RERG: variants seen among roughly 807,000 people sequenced by gnomAD.
RERG encodes the protein ras-related and estrogen-regulated growth inhibitor.
A neutral mutation model predicts 23.2 loss-of-function variants in RERG; 25 were observed. That is an observed-to-expected ratio of 1.08 (90% confidence interval 0.79 to 1.50). RERG has a LOEUF of 1.50. Among genes scored for constraint, RERG ranks in the 40% most tolerant of loss-of-function variants. The pLI is 0.00. For synonymous variants in RERG, 81 were observed against 89.1 expected, an observed-to-expected ratio of 0.91 and a Z score of 0.51; for missense variants, 253 against 250.1, an observed-to-expected ratio of 1.01 and a Z score of -0.08.
At chr12:15,169,315 G>A (rs1864740870) in intron 2 of RERG, among the ~76,000 whole-genome samples, 1 of 152,214 alleles carries the variant, frequency 6.6e-6, no homozygotes, top group African/African-American at 2.4e-5. Flanking sequence ...CTGTGAGGCT[G>A]TTTCCAGAGA....
intron 2 of RERG, among the ~76,000 whole-genome samples, chr12:15,197,697 C>T (rs1296708745): frequency 6.6e-6 from 1 of 152,036 alleles, no homozygotes; most frequent in African/African-American, 2.4e-5. Flanking sequence ...CAAACCTAGA[C>T]AATAAAATAT....
intron 2 of RERG, among the ~76,000 whole-genome samples, chr12:15,209,725 T>C (rs968996780): frequency 1.4e-4 from 22 of 152,224 alleles, no homozygotes; most frequent in Admixed American, 6.5e-4. Flanking sequence ...GTTTGTATGA[T>C]AAAATTCTAA....
intron 2 of RERG, among the ~76,000 whole-genome samples, chr12:15,126,627 A>T (rs1276879632): frequency 6.6e-6 from 1 of 152,180 alleles, no homozygotes; most frequent in East Asian, 1.9e-4. Context: ...TTAAGCTGGT[A>T]ACCCAGAATG....
intron 2 of RERG, among the ~76,000 whole-genome samples, chr12:15,128,504 A>C (rs1863987252): frequency 6.6e-6 from 1 of 152,232 alleles, no homozygotes; most frequent in Non-Finnish European, 1.5e-5. Context: ...AAGTGTTGTA[A>C]GTTTGCACCT....
chr12:15,167,578 G>T (rs1205702550), intron 2 of RERG, among the ~76,000 whole-genome samples: 1 of 152,112 alleles, frequency 6.6e-6, no homozygotes, highest in East Asian at 1.9e-4. Flanking sequence ...ATATATTCTG[G>T]TATCTAAATT....
chr12:15,156,836 A>G (rs190037176), intron 2 of RERG, among the ~76,000 whole-genome samples: 21 of 152,292 alleles, frequency 1.4e-4, no homozygotes, highest in Admixed American at 1.3e-3. Context: ...TACTACTCAC[A>G]TTTGACAAGT....
At chr12:15,156,238 A>C (rs777908728) in intron 2 of RERG, among the ~76,000 whole-genome samples, 1 of 152,204 alleles carries the variant, frequency 6.6e-6, no homozygotes, top group Non-Finnish European at 1.5e-5. Context: ...AGGTATTGCT[A>C]ACACTGTGAT....
At chr12:15,141,479 CTTTTGA>C (rs1360537479) in intron 2 of RERG, among the ~76,000 whole-genome samples, 1 of 152,040 alleles carries the variant, frequency 6.6e-6, no homozygotes, top group Admixed American at 6.6e-5. Context: ...GCATAATATC[CTTTTGA>C]TTTTGATTTT....
chr12:15,171,341 A>T (rs899727171), intron 2 of RERG, among the ~76,000 whole-genome samples: 1 of 152,216 alleles, frequency 6.6e-6, no homozygotes, highest in Non-Finnish European at 1.5e-5. Context: ...ATTTTAACTG[A>T]ATGACTAATT....
intron 2 of RERG, among the ~76,000 whole-genome samples, chr12:15,127,879 T>G (rs1451144756): frequency 6.6e-6 from 1 of 152,186 alleles, no homozygotes; most frequent in Non-Finnish European, 1.5e-5. Flanking sequence ...TTTAAGCTAA[T>G]TTAATTTTCA....
At chr12:15,138,507 TC>T (rs1446323689) in intron 2 of RERG, among the ~76,000 whole-genome samples, 2 of 152,060 alleles carry the variant, frequency 1.3e-5, no homozygotes, top group Non-Finnish European at 2.9e-5. Context: ...AAGGCATTCT[TC>T]ATTTCTTTTA....
intron 2 of RERG, among the ~76,000 whole-genome samples, chr12:15,176,418 G>C (rs1005255254): frequency 4.0e-5 from 6 of 151,898 alleles, no homozygotes; most frequent in African/African-American, 1.5e-4. Context: ...CCTTAATTTA[G>C]TTATGCTTTT....
intron 2 of RERG, among the ~76,000 whole-genome samples, chr12:15,206,907 T>C (rs965031746): frequency 6.6e-6 from 1 of 152,038 alleles, no homozygotes; most frequent in Non-Finnish European, 1.5e-5. Flanking sequence ...AAGAAAAGCA[T>C]GGGAGAGAGA....
intron 2 of RERG, among the ~76,000 whole-genome samples, chr12:15,159,700 T>G (rs1255754033): frequency 6.6e-6 from 1 of 152,114 alleles, no homozygotes; most frequent in African/African-American, 2.4e-5. Flanking sequence ...GGCGGGCGCC[T>G]GTAGTGCCAG....
intron 2 of RERG, among the ~76,000 whole-genome samples, chr12:15,137,242 A>G (rs571914675): frequency 6.6e-6 from 1 of 151,604 alleles, no homozygotes; most frequent in South Asian, 2.1e-4. Context: ...TTTTCTTTTT[A>G]TTGACATTAT....
chr12:15,177,635 T>A (rs908541716), intron 2 of RERG, among the ~76,000 whole-genome samples: 1 of 152,182 alleles, frequency 6.6e-6, no homozygotes, highest in Non-Finnish European at 1.5e-5. Flanking sequence ...CAAAGTATAT[T>A]TTAAAACTGA....
Position 15,108,279 on chromosome 12 carries a change from T to G in RERG, c.*831A>C, listed in dbSNP as rs1326598349. The G allele has an allele frequency of 6.6e-6, 1 of 152,218 alleles. No individual in the cohort carries two copies. Among genetic ancestry groups the G allele is most frequent in the Non-Finnish European group, 1.5e-5 (1 of 68,012 alleles). 9.4% of individuals were successfully genotyped at this position (152,218 alleles called of 1,614,324 possible). A position where few individuals can be genotyped will look rare whatever the true frequency, so the allele number is the denominator to read the frequency against. On this transcript the variant is annotated 3_prime_UTR_variant, in exon 5 of 5. Transcript: ENST00000256953. ...ATTTGCTTGTCTTTTGGACTGTGGT[T>G]TTTCTGCTAAGGTGATAAACAAATC...
intron 2 of RERG, among the ~76,000 whole-genome samples, chr12:15,128,043 A>G (rs1863978930): frequency 6.6e-6 from 1 of 152,224 alleles, no homozygotes; most frequent in South Asian, 2.1e-4. Context: ...AATTTTTCCA[A>G]TATACAATAC....
intron 1 of RERG, 63 bp from the exon 2 acceptor site, chr12:15,217,666 A>T: frequency 1.8e-6 from 1 of 569,042 alleles, no homozygotes; most frequent in Non-Finnish European, 3.1e-6. Flanking sequence ...TTTATTGAGC[A>T]TCTACTATAT....
Sources: gnomAD v4.1 joint callset for allele counts (sites outside exome capture counted in the v4.1 genomes callset) on GRCh38, gnomAD v4.1.1 for gene constraint, MANE v1.5 for transcripts, NCBI Gene and HGNC (gene_info 2026-07-23, HGNC 2026-07-21) for gene names.